Variants in GALNT10 observed in about 807,000 individuals in gnomAD.
GALNT10 encodes the protein polypeptide N-acetylgalactosaminyltransferase 10.
A neutral mutation model predicts 75.0 loss-of-function variants in GALNT10; 41 were observed. That is an observed-to-expected ratio of 0.55 (90% CI 0.43 to 0.71). GALNT10 has a LOEUF of 0.71. Among genes scored for constraint, GALNT10 ranks in the 30% least tolerant of loss-of-function variants. GALNT10 has a pLI of 0.00. For missense variants in GALNT10, 727 were observed against 818.5 expected (o/e 0.89, Z 1.36); for synonymous variants, 302 against 313.0 (o/e 0.96, Z 0.37).
chr5:154,362,965 C>G (rs942453596), intron 4 of GALNT10, among the ~76,000 whole-genome samples: 1 of 152,200 alleles, frequency 6.6e-6, no homozygotes, highest in Non-Finnish European at 1.5e-5. Context: ...TTCTAACCTA[C>G]CAACCGTCCA....
intron 1 of GALNT10, among the ~76,000 whole-genome samples, chr5:154,237,349 G>A (rs976458257): frequency 5.9e-5 from 9 of 152,142 alleles, no homozygotes; most frequent in African/African-American, 1.7e-4. Context: ...GAAGTTGAGC[G>A]TTTTGAGAGG....
chr5:154,234,213 ATTC>A (rs1239719962), intron 1 of GALNT10, among the ~76,000 whole-genome samples: 1 of 152,116 alleles, frequency 6.6e-6, no homozygotes, highest in Non-Finnish European at 1.5e-5. Flanking sequence ...TTAATTTCAT[ATTC>A]TTCTTAAAGA....
intron 1 of GALNT10, among the ~76,000 whole-genome samples, chr5:154,250,808 T>C (rs1245694280): frequency 3.9e-5 from 6 of 152,190 alleles, no homozygotes; most frequent in African/African-American, 1.4e-4. Flanking sequence ...GACTTCTTAG[T>C]TTTTATTTTC....
chr5:154,381,345 C>G (rs1164148631), intron 6 of GALNT10, among the ~76,000 whole-genome samples: 1 of 152,136 alleles, frequency 6.6e-6, no homozygotes, highest in Non-Finnish European at 1.5e-5. Context: ...GTGGCTAAGA[C>G]AGAAATAGAG....
chr5:154,408,582 A>C (rs573797544), intron 8 of GALNT10, among the ~76,000 whole-genome samples: 1 of 151,996 alleles, frequency 6.6e-6, no homozygotes, highest in African/African-American at 2.4e-5. Flanking sequence ...TCTGTCCCCA[A>C]GTCTACTCAC....
chr5:154,315,503 C>G (rs1159160191), intron 3 of GALNT10, among the ~76,000 whole-genome samples: 1 of 152,184 alleles, frequency 6.6e-6, no homozygotes, highest in African/African-American at 2.4e-5. Flanking sequence ...CTGTGTAGCT[C>G]TGTCTGCTCC....
chr5:154,328,502 G>C (rs1754791652), intron 3 of GALNT10, among the ~76,000 whole-genome samples: 1 of 152,178 alleles, frequency 6.6e-6, no homozygotes, highest in Non-Finnish European at 1.5e-5. Context: ...ATGCAACACA[G>C]AATACTTCTG....
At chr5:154,241,208 C>A (rs1166488724) in intron 1 of GALNT10, among the ~76,000 whole-genome samples, 1 of 152,168 alleles carries the variant, frequency 6.6e-6, no homozygotes, top group Non-Finnish European at 1.5e-5. Context: ...CCTACCCCAG[C>A]CCATTCCTAA....
At chr5:154,247,576 T>G (rs1167391916) in intron 1 of GALNT10, among the ~76,000 whole-genome samples, 2 of 152,240 alleles carry the variant, frequency 1.3e-5, no homozygotes, top group African/African-American at 4.8e-5. Context: ...GAAGCAATTG[T>G]GAATGGGAGT....
chr5:154,251,316 T>A (rs1203539313), intron 1 of GALNT10, among the ~76,000 whole-genome samples: 1 of 152,152 alleles, frequency 6.6e-6, no homozygotes, highest in Non-Finnish European at 1.5e-5. Context: ...TTACCCATTT[T>A]TAAGTGTGAT....
At chr5:154,388,872 G>A (rs1375104662) in intron 7 of GALNT10, 14 of 117,958 alleles carry the variant, frequency 1.2e-4, no homozygotes, top group Non-Finnish European at 1.8e-4. Context: ...AACACAACAC[G>A]ACCCCATCTC....
chr5:154,398,542 G>A (rs1021311514), intron 7 of GALNT10, among the ~76,000 whole-genome samples: 2 of 152,196 alleles, frequency 1.3e-5, no homozygotes, highest in African/African-American at 4.8e-5. Context: ...AGTATGTCTG[G>A]GCTGGGGATG....
At chr5:154,299,858 A>T (rs1754335673) in intron 3 of GALNT10, among the ~76,000 whole-genome samples, 2 of 130,680 alleles carry the variant, frequency 1.5e-5, no homozygotes, top group East Asian at 4.5e-4. Context: ...TTTTTGAGAC[A>T]GGGTCTCGCC....
intron 1 of GALNT10, among the ~76,000 whole-genome samples, chr5:154,272,812 G>T (rs1291504202): frequency 6.6e-6 from 1 of 152,164 alleles, no homozygotes; most frequent in African/African-American, 2.4e-5. Context: ...CTTCTCTATG[G>T]GAGAAAGAGG....
At chr5:154,392,454 G>A (rs1169469805) in intron 7 of GALNT10, 3 of 152,222 alleles carry the variant, frequency 2.0e-5, no homozygotes, top group Admixed American at 6.5e-5. Context: ...AATGGTGTAT[G>A]GTGGGAAAGT....
intron 4 of GALNT10, among the ~76,000 whole-genome samples, chr5:154,344,884 G>A (rs562974118): frequency 2.6e-4 from 40 of 152,196 alleles, no homozygotes; most frequent in African/African-American, 7.5e-4. Flanking sequence ...ATGACAAGTC[G>A]TGCTCCACCT....
intron 1 of GALNT10, among the ~76,000 whole-genome samples, chr5:154,282,012 A>G (rs1334292387): frequency 1.3e-5 from 2 of 152,230 alleles, no homozygotes; most frequent in South Asian, 2.1e-4. Context: ...AACAGATGCC[A>G]GAAACTAGAT....
At chr5:154,377,237 G>A (rs1191130772) in intron 5 of GALNT10, among the ~76,000 whole-genome samples, 1 of 152,194 alleles carries the variant, frequency 6.6e-6, no homozygotes, top group East Asian at 1.9e-4. Flanking sequence ...TTTGATGAGG[G>A]CAGTGTGCTG....
At position 154,412,724 on chromosome 5, in the gene GALNT10, G is replaced by T; in HGVS notation, c.1387-165G>T. ...TCTGTGGACTGAGTCTTCCTTCATT[G>T]AGAGGCTCAAGGTACTTCCAACAGC... On this transcript the variant is annotated intron_variant, in intron 9 of 11. Transcript: ENST00000297107. This position sits in a 1 kb window ranked among gnomAD's most constrained non-coding sequence, Gnocchi z 4.2. 1 of 653,210 alleles carries T rather than the reference G, an allele frequency of 1.5e-6. No homozygotes were observed. The highest frequency in any genetic ancestry group is 1.8e-5 in the African/African-American group (1 of 55,924). The allele number at this position is 653,210 out of a possible 1,614,324, so 40.5% of individuals were successfully genotyped here.
Sources: gnomAD v4.1 joint callset for allele counts (sites outside exome capture counted in the v4.1 genomes callset) on GRCh38, gnomAD v4.1.1 for gene constraint, Gnocchi (gnomAD v3.1) non-coding constraint, MANE v1.5 for transcripts, NCBI Gene and HGNC (gene_info 2026-07-23, HGNC 2026-07-21) for gene names.